HECTD4: variants seen among roughly 807,000 people sequenced by gnomAD.
The protein encoded by HECTD4 is HECT domain E3 ubiquitin protein ligase 4.
Under a neutral mutation model 471.5 loss-of-function variants are expected in HECTD4, and 114 were observed. That is an observed-to-expected ratio of 0.24 (90% CI 0.21 to 0.28). The LOEUF (loss-of-function observed/expected upper bound fraction) is 0.28. Among genes scored for constraint, HECTD4 ranks in the 10% least tolerant of loss-of-function variants. The pLI is 1.00. For missense variants in HECTD4, 3,866 were observed against 5,651.5 expected (o/e 0.68, Z 10.13); for synonymous variants, 2,012 against 2,256.0 (o/e 0.89, Z 3.07).
intron 1 of HECTD4, among the ~76,000 whole-genome samples, chr12:112,352,644 T>C (rs2036266885): frequency 6.6e-6 from 1 of 151,834 alleles, no homozygotes; most frequent in South Asian, 2.1e-4. Context: ...TCTTGCTGTG[T>C]TGCCCAGGCT....
chr12:112,210,336 C>A (rs185795675), intron 49 of HECTD4, 84 bp from the exon 50 acceptor site: 6 of 1,414,084 alleles, frequency 4.2e-6, no homozygotes, highest in South Asian at 1.2e-5. Flanking sequence ...GCTCACTAAA[C>A]GTCACCTTGG....
chr12:112,267,074 A>G (rs1452932219), intron 13 of HECTD4, 92 bp from the exon 14 acceptor site: 7 of 760,752 alleles, frequency 9.2e-6, no homozygotes, highest in East Asian at 2.8e-5. Context: ...AAAGATGTCA[A>G]TTGGATGTGA....
rs2033252551 is a variant in HECTD4 at position 112,226,858 on chromosome 12, TACA to T, written c.6855-103_6855-101del. The T allele has an allele frequency of 8.9e-6, 7 of 790,126 alleles. No individual in the cohort carries two copies. In the South Asian group the frequency reaches 1.2e-4, roughly 13 times the overall value. 48.9% of individuals were successfully genotyped at this position (790,126 alleles called of 1,614,324 possible). A position where few individuals can be genotyped will look rare whatever the true frequency, so the allele number is the denominator to read the frequency against. On this transcript the variant is annotated intron_variant, in intron 43 of 75. Coordinates refer to ENST00000682272, the MANE Select transcript of HECTD4 (RefSeq NM_001388303.1). ...TTTCAATCAATTTTGCCCCCCAGTT[TACA>T]ACAAGGTTCAAACACCCCACTCATC...
intron 67 of HECTD4, among the ~76,000 whole-genome samples, chr12:112,172,426 C>T (rs1427986428): frequency 1.3e-5 from 2 of 152,266 alleles, no homozygotes; most frequent in African/African-American, 2.4e-5. Context: ...TCTGTATCTG[C>T]TCCCTGGCTT....
chr12:112,283,347 T>C (rs1476548725), intron 7 of HECTD4, 45 bp from the exon 8 acceptor site: 1 of 1,453,058 alleles, frequency 6.9e-7, no homozygotes, highest in African/African-American at 1.4e-5. Context: ...TCTGTTTCCA[T>C]TTAGTTAGCA....
chr12:112,345,298 TCAG>T (rs905362896), intron 1 of HECTD4, among the ~76,000 whole-genome samples: 5 of 146,162 alleles, frequency 3.4e-5, no homozygotes, highest in African/African-American at 1.3e-4. Flanking sequence ...AAGAACAAGG[TCAG>T]AAGAAGAAAA....
chr12:112,196,618 A>G (rs983424812), intron 55 of HECTD4, among the ~76,000 whole-genome samples: 1 of 152,084 alleles, frequency 6.6e-6, no homozygotes, highest in African/African-American at 2.4e-5. Flanking sequence ...CTTTTTTGAG[A>G]CAGGCCCTGT....
chr12:112,314,651 T>C (rs1338050598), intron 2 of HECTD4, 105 bp from the exon 3 acceptor site: 14 of 681,048 alleles, frequency 2.1e-5, no homozygotes, highest in Non-Finnish European at 3.4e-5. Flanking sequence ...CCAAAATGTG[T>C]CTCTCTGCTT....
At chr12:112,283,609 A>C (rs2034690126) in intron 7 of HECTD4, among the ~76,000 whole-genome samples, 1 of 152,252 alleles carries the variant, frequency 6.6e-6, no homozygotes, top group African/African-American at 2.4e-5. Flanking sequence ...TGACAGGTTG[A>C]AGTCAAATGA....
rs568559183 is a variant in HECTD4, at chr12:112,381,841, C to G, written c.177+111G>C. On this transcript the variant is annotated intron_variant, in intron 1 of 75. Coordinates refer to ENST00000682272, the MANE Select transcript of HECTD4 (RefSeq NM_001388303.1). This position sits in a 1 kb window ranked among gnomAD's most constrained non-coding sequence, Gnocchi z 4.1. ...GCCCCGCGCCCACACACACCTGCCC[C>G]GGCAGCCGCCGGGAGGCGAGGCCGC... is the stretch of plus-strand genomic sequence containing the variant. 1,463 of 760,100 alleles carry G rather than the reference C, an allele frequency of 1.9e-3. 22 individuals carry two copies. The African/African-American group carries it at 0.025, about 13-fold the overall frequency. 47.1% of individuals were successfully genotyped at this position (760,100 alleles called of 1,614,324 possible).
At chr12:112,377,762 T>TC (rs1566130361) in intron 1 of HECTD4, among the ~76,000 whole-genome samples, 11 of 152,172 alleles carry the variant, frequency 7.2e-5, no homozygotes, top group Middle Eastern at 3.4e-3. Context: ...CCCAGCTAAC[T>TC]GGAAGGCTGA....
intron 7 of HECTD4, among the ~76,000 whole-genome samples, chr12:112,287,141 G>T (rs539210999): frequency 3.9e-5 from 6 of 152,056 alleles, no homozygotes; most frequent in Non-Finnish European, 5.9e-5. Context: ...TATGTGCCCC[G>T]CAAGCTAAAG....
At chr12:112,183,788 C>G (rs1341499123) in intron 61 of HECTD4, among the ~76,000 whole-genome samples, 1 of 152,244 alleles carries the variant, frequency 6.6e-6, no homozygotes, top group Non-Finnish European at 1.5e-5. Context: ...TGCAGGTCAT[C>G]TGAAACTCAG....
At chr12:112,225,004 C>T (rs746378445) in intron 44 of HECTD4, among the ~76,000 whole-genome samples, 1 of 152,062 alleles carries the variant, frequency 6.6e-6, no homozygotes, top group Admixed American at 6.6e-5. Flanking sequence ...GAGTACAAAA[C>T]GAAGTCACAA....
chr12:112,220,740 T>C (rs946287954), intron 44 of HECTD4, among the ~76,000 whole-genome samples: 3 of 152,128 alleles, frequency 2.0e-5, no homozygotes, highest in African/African-American at 7.2e-5. Context: ...GAGGTTGCAG[T>C]GAGCTGACAT....
At chr12:112,333,742 G>A (rs889041779) in intron 1 of HECTD4, among the ~76,000 whole-genome samples, 39 of 152,280 alleles carry the variant, frequency 2.6e-4, no homozygotes, top group African/African-American at 9.4e-4. Context: ...AAATGTTTAA[G>A]TCCACAAGTT....
At chr12:112,238,166 A>G (rs2033559152) in intron 34 of HECTD4, among the ~76,000 whole-genome samples, 1 of 152,212 alleles carries the variant, frequency 6.6e-6, no homozygotes, top group Non-Finnish European at 1.5e-5. Context: ...ACAGATAAAT[A>G]AACAAGTTAT....
chr12:112,231,984 AT>A (rs2033391743), intron 38 of HECTD4, among the ~76,000 whole-genome samples: 1 of 152,120 alleles, frequency 6.6e-6, no homozygotes, highest in South Asian at 2.1e-4. Flanking sequence ...TTTTGCTTTT[AT>A]CAGTTATCAG....
At chr12:112,271,965 A>G (rs2034422749) in intron 11 of HECTD4, among the ~76,000 whole-genome samples, 1 of 152,066 alleles carries the variant, frequency 6.6e-6, no homozygotes, top group Non-Finnish European at 1.5e-5. Flanking sequence ...CCTGCATTGC[A>G]TGGTTACTGA....
Sources: allele counts gnomAD v4.1 joint callset (sites outside exome capture counted in the v4.1 genomes callset), GRCh38; gene constraint gnomAD v4.1.1; non-coding constraint Gnocchi (gnomAD v3.1); transcripts MANE v1.5; gene names NCBI Gene and HGNC (gene_info 2026-07-23, HGNC 2026-07-21).